The following TMEFF1 variants were observed in gnomAD, a reference collection of about 807,000 sequenced individuals.
The protein encoded by TMEFF1 is transmembrane protein with EGF like and two follistatin like domains 1, also known as tomoregulin-1.
A neutral mutation model predicts 47.5 loss-of-function variants in TMEFF1; 20 were observed. The observed-to-expected ratio is 0.42, with a 90% CI of 0.30 to 0.61. The LOEUF is 0.61. TMEFF1 is among the 20% of genes least tolerant of loss of function. The pLI is 0.19. For missense variants in TMEFF1, 411 were observed against 471.1 expected (o/e 0.87, Z 1.18); for synonymous variants, 162 against 166.3 (o/e 0.97, Z 0.20).
At chr9:100,558,715 T>C (rs1001648666) in intron 7 of TMEFF1, among the ~76,000 whole-genome samples, 22 of 151,974 alleles carry the variant, frequency 1.4e-4, no homozygotes, top group Non-Finnish European at 1.5e-5. Flanking sequence ...TAACTGTTTT[T>C]TCTCCCTTTA....
intron 5 of TMEFF1, among the ~76,000 whole-genome samples, chr9:100,538,866 G>A (rs1838568458): frequency 6.6e-6 from 1 of 151,826 alleles, no homozygotes; most frequent in Non-Finnish European, 1.5e-5. Flanking sequence ...TAATACTGCT[G>A]TGAATATTCT....
chr9:100,473,314 C>A lies in TMEFF1; in HGVS notation c.-231C>A. On this transcript the variant is annotated 5_prime_UTR_variant, in exon 1 of 10. Coordinates refer to ENST00000374879, the MANE Select transcript of TMEFF1 (RefSeq NM_003692.5). This position sits in a 1 kb window ranked among gnomAD's most constrained non-coding sequence, Gnocchi z 5.4. ...GCCGGCTCGCACCCTCGCGCGCACCCTTGCGCGCCCGCGACCCTCGCACGC... is the reference window on the plus strand; with the variant it reads ...GCCGGCTCGCACCCTCGCGCGCACCATTGCGCGCCCGCGACCCTCGCACGC... The A allele has an allele frequency of 5.6e-6, 1 of 179,998 alleles. No homozygotes were observed. Among genetic ancestry groups the A allele is most frequent in the Non-Finnish European group, 1.1e-5 (1 of 89,044 alleles). 11.2% of individuals were successfully genotyped at this position (179,998 alleles called of 1,614,324 possible). A position where few individuals can be genotyped will look rare whatever the true frequency, so the allele number is the denominator to read the frequency against.
intron 5 of TMEFF1, among the ~76,000 whole-genome samples, chr9:100,528,106 A>C (rs1440935873): frequency 1.3e-5 from 2 of 151,456 alleles, no homozygotes; most frequent in Non-Finnish European, 2.9e-5. Flanking sequence ...ACCATCATCA[A>C]AGACCAAAAG....
chr9:100,540,505 C>T (rs536671551), intron 5 of TMEFF1, among the ~76,000 whole-genome samples: 1 of 152,314 alleles, frequency 6.6e-6, no homozygotes, highest in South Asian at 2.1e-4. Context: ...CCCGTGCCTC[C>T]CCCTCCCCAC....
At chr9:100,576,458 A>G (rs1345177333) in intron 9 of TMEFF1, 58 bp from the exon 10 acceptor site, 1 of 1,591,006 alleles carries the variant, frequency 6.3e-7, no homozygotes, top group Non-Finnish European at 8.5e-7. Flanking sequence ...CATTTGAAAT[A>G]TCCTGAACAA....
At chr9:100,516,886 T>A (rs1487598203) in intron 5 of TMEFF1, 115 bp downstream of exon 5, 3 of 1,331,560 alleles carry the variant, frequency 2.3e-6, no homozygotes, top group Non-Finnish European at 3.0e-6. Flanking sequence ...TTTCAAATTT[T>A]TTTTTTGTTT....
At chr9:100,563,888 A>T (rs1238353778) in intron 8 of TMEFF1, among the ~76,000 whole-genome samples, 1 of 152,232 alleles carries the variant, frequency 6.6e-6, no homozygotes, top group African/African-American at 2.4e-5. Context: ...ACTCCTTAAA[A>T]GCAGTTGATC....
chr9:100,550,494 C>T (rs1011979969), intron 7 of TMEFF1, among the ~76,000 whole-genome samples: 3 of 152,168 alleles, frequency 2.0e-5, no homozygotes, highest in Admixed American at 6.5e-5. Flanking sequence ...AACACTTGCC[C>T]GATGCCCAGG....
chr9:100,483,763 TTCTC>T (rs1015103342), intron 1 of TMEFF1, among the ~76,000 whole-genome samples: 25 of 151,790 alleles, frequency 1.6e-4, no homozygotes, highest in African/African-American at 4.1e-4. Context: ...TATCTACTCT[TTCTC>T]TCTCTATCGT....
chr9:100,489,929 C>G (rs1837518435), intron 1 of TMEFF1, among the ~76,000 whole-genome samples: 1 of 152,188 alleles, frequency 6.6e-6, no homozygotes, highest in South Asian at 2.1e-4. Context: ...CCACTCAACT[C>G]TGTACCCAGG....
At chr9:100,490,797 C>T (rs775824704) in intron 1 of TMEFF1, among the ~76,000 whole-genome samples, 7 of 145,202 alleles carry the variant, frequency 4.8e-5, no homozygotes, top group Non-Finnish European at 9.0e-5. Context: ...TTACTGTTAC[C>T]GGTTTTGTTT....
At chr9:100,550,568 C>G (rs1838813517) in intron 7 of TMEFF1, among the ~76,000 whole-genome samples, 1 of 152,198 alleles carries the variant, frequency 6.6e-6, no homozygotes, top group Non-Finnish European at 1.5e-5. Context: ...TCCTTCTTAT[C>G]CTTTTAATCT....
At chr9:100,529,956 A>G (rs1838344358) in intron 5 of TMEFF1, among the ~76,000 whole-genome samples, 1 of 152,180 alleles carries the variant, frequency 6.6e-6, no homozygotes, top group African/African-American at 2.4e-5. Flanking sequence ...AAACCGATCA[A>G]CTACATGGAA....
intron 5 of TMEFF1, among the ~76,000 whole-genome samples, chr9:100,531,241 A>G (rs940220941): frequency 5.9e-5 from 9 of 152,254 alleles, no homozygotes; most frequent in Middle Eastern, 3.4e-3. Context: ...GGCCAGGGCA[A>G]TTAGGCAGGA....
chr9:100,515,852 C>T (rs1838061780), intron 4 of TMEFF1, among the ~76,000 whole-genome samples: 1 of 151,888 alleles, frequency 6.6e-6, no homozygotes, highest in African/African-American at 2.4e-5. Context: ...CTTTTTCAAA[C>T]CAAATTCGAG....
intron 5 of TMEFF1, 56 bp from the exon 6 acceptor site, chr9:100,547,688 A>G: frequency 7.2e-7 from 1 of 1,393,872 alleles, no homozygotes. Context: ...TTGCTGTTGC[A>G]GCATTGTGAA....
At chr9:100,501,547 A>AAT (rs1489776447) in intron 2 of TMEFF1, among the ~76,000 whole-genome samples, 2 of 151,916 alleles carry the variant, frequency 1.3e-5, no homozygotes, top group Non-Finnish European at 1.5e-5. Flanking sequence ...ACAATATTGG[A>AAT]ATATATATAT....
At chr9:100,529,959 A>G (rs954907248) in intron 5 of TMEFF1, among the ~76,000 whole-genome samples, 58 of 152,292 alleles carry the variant, frequency 3.8e-4, no homozygotes, top group Middle Eastern at 3.4e-3. Context: ...CCGATCAACT[A>G]CATGGAAACT....
At chr9:100,546,796 T>C (rs562777330) in intron 5 of TMEFF1, among the ~76,000 whole-genome samples, 4 of 152,294 alleles carry the variant, frequency 2.6e-5, no homozygotes, top group African/African-American at 9.6e-5. Context: ...AGTCTCTGTA[T>C]TTTTATTTTT....
Sources: allele counts gnomAD v4.1 joint callset (sites outside exome capture counted in the v4.1 genomes callset), GRCh38; gene constraint gnomAD v4.1.1; non-coding constraint Gnocchi (gnomAD v3.1); transcripts MANE v1.5; gene names NCBI Gene and HGNC (gene_info 2026-07-23, HGNC 2026-07-21).